SEPSECS: variants seen among roughly 807,000 people sequenced by gnomAD.
SEPSECS encodes the protein O-phosphoseryl-tRNA(Sec) selenium transferase.
SEPSECS carries 42 observed loss-of-function variants against 52.1 expected under a neutral mutation model. The ratio of observed to expected loss-of-function variants is 0.81; its 90% confidence interval spans 0.63 to 1.04. The LOEUF is 1.04. Ranked by LOEUF, SEPSECS falls within the 50% of genes least tolerant of loss-of-function variation. The pLI, the probability that SEPSECS is intolerant of heterozygous loss-of-function variation, is 0.00. For missense variants in SEPSECS, 590 were observed against 610.6 expected (o/e 0.97, Z 0.36); for synonymous variants, 216 against 211.4 (o/e 1.02, Z -0.19).
chr4:25,135,584 CA>C (rs1408728960), intron 8 of SEPSECS, among the ~76,000 whole-genome samples: 1 of 151,832 alleles, frequency 6.6e-6, no homozygotes, highest in African/African-American at 2.4e-5. Context: ...GCCTACCAAC[CA>C]AAAAAAGCCC....
At position 25,156,955 on chromosome 4, in the gene SEPSECS, G is replaced by C. The variant is rs1309003036; in HGVS notation, c.289C>G (p.Arg97Gly). 2 of 1,610,448 alleles carry C rather than the reference G, an allele frequency of 1.2e-6. No homozygotes were observed. The highest frequency in any genetic ancestry group is 1.7e-6 in the Non-Finnish European group (2 of 1,176,914). The change falls in exon 3 of 11, where the codon CGA (arginine) becomes GGA (glycine). Residue 97 changes from arginine (R) to glycine (G), a missense_variant. Physicochemically the swap from Arg to Gly is moderately radical, Grantham distance 125. Transcript: ENST00000382103. ...TGCACAGCAGAAATATCACCGGATC[G>C]TCCAATGCCATGAATGAACCTAAGC... Reference protein sequence around the residue: ...RHYRFIHGIGRSGDISAVQPK... With the variant: ...RHYRFIHGIGGSGDISAVQPK...
intron 9 of SEPSECS, among the ~76,000 whole-genome samples, chr4:25,126,785 T>C (rs1015481926): frequency 2.6e-5 from 4 of 152,158 alleles, no homozygotes; most frequent in Non-Finnish European, 5.9e-5. Flanking sequence ...ATTTCTGATA[T>C]GTTGGGGTTT....
chr4:25,138,213 C>T (rs1728921510), intron 8 of SEPSECS, among the ~76,000 whole-genome samples: 1 of 152,080 alleles, frequency 6.6e-6, no homozygotes, highest in South Asian at 2.1e-4. Flanking sequence ...TACCCCAGAA[C>T]CTAAAATAAT....
At position 25,124,235 on chromosome 4, in the gene SEPSECS, G is replaced by C. The variant is rs375688949; in HGVS notation, c.1212-10C>G. 3.0e-5 allele frequency: 48 copies of C among 1,612,092 alleles called. No homozygotes were observed. The African/African-American group carries it at 3.2e-4, about 11-fold the overall frequency. The stretch of plus-strand genomic sequence containing the variant: ...CCCAAGAGGCACAACCCTGAAAGAA[G>C]AAAGATTTACCAATTTAATATGTCT... On this transcript the variant is annotated splice_polypyrimidine_tract_variant and intron_variant, in intron 10 of 10. Coordinates refer to ENST00000382103, the MANE Select transcript of SEPSECS (RefSeq NM_016955.4).
At position 25,155,069 on chromosome 4, in the gene SEPSECS, CT is replaced by C; in HGVS notation, c.629del (p.Gln210ArgfsTer26). On this transcript the variant is annotated frameshift_variant, in exon 5 of 11. Coordinates refer to ENST00000382103, the MANE Select transcript of SEPSECS (RefSeq NM_016955.4). LOFTEE classifies it high-confidence loss of function. ...TDLKAVEAKV[Q>X]ELGPDCILCI... ...ACAGAATGCAATCAGGCCCAAGTTC[CT>C]GGACTTTAGCCTCCACTGCTTTCAG... The C allele has an allele frequency of 6.2e-7, 1 of 1,614,136 alleles. No homozygotes were observed. Among genetic ancestry groups the C allele is most frequent in the South Asian group, 1.1e-5 (1 of 91,086 alleles).
intron 8 of SEPSECS, among the ~76,000 whole-genome samples, chr4:25,137,263 T>A (rs1346741042): frequency 1.3e-5 from 2 of 152,092 alleles, no homozygotes; most frequent in East Asian, 3.8e-4. Flanking sequence ...GAAACTATCA[T>A]CAGAGTGAAC....
rs945536377 is a variant in SEPSECS at position 25,145,228 on chromosome 4, GTTAA to G, written c.805-99_805-96del. 2.8e-5 allele frequency: 36 copies of G among 1,286,458 alleles called. No individual in the cohort carries two copies. In the African/African-American group the frequency reaches 2.8e-4, roughly 10 times the overall value. The allele number at this position is 1,286,458 out of a possible 1,614,324, so 79.7% of individuals were successfully genotyped here. ...ACAACAAAAAATTATAACTATTTGA[GTTAA>G]TTAATATATTAGCCTGATTTAACCA... On this transcript the variant is annotated intron_variant, in intron 6 of 10. Transcript: ENST00000382103.
At chr4:25,153,676 T>TA (rs900216997) in intron 5 of SEPSECS, among the ~76,000 whole-genome samples, 8 of 151,570 alleles carry the variant, frequency 5.3e-5, no homozygotes, top group Admixed American at 2.6e-4. Flanking sequence ...GAAGCCAATG[T>TA]AAAAAAAACA....
At chr4:25,145,216 A>G in intron 6 of SEPSECS, 83 bp from the exon 7 acceptor site, 2 of 1,408,580 alleles carry the variant, frequency 1.4e-6, no homozygotes, top group East Asian at 2.3e-5. Context: ...ACAAAAAATT[A>G]TAACTATTTG....
At chr4:25,130,280 G>A (rs1470327479) in intron 8 of SEPSECS, among the ~76,000 whole-genome samples, 1 of 152,200 alleles carries the variant, frequency 6.6e-6, no homozygotes, top group African/African-American at 2.4e-5. Flanking sequence ...TTGTACTCAG[G>A]TTAGCTATTT....
At chr4:25,136,227 T>C (rs149153421) in intron 8 of SEPSECS, among the ~76,000 whole-genome samples, 1 of 151,980 alleles carries the variant, frequency 6.6e-6, no homozygotes, top group African/African-American at 2.4e-5. Flanking sequence ...GAGAAAGAAA[T>C]AAAGGGTATT....
intron 6 of SEPSECS, among the ~76,000 whole-genome samples, chr4:25,150,698 AAAG>A (rs1712245403): frequency 4.6e-5 from 7 of 152,202 alleles, no homozygotes; most frequent in Admixed American, 4.6e-4. Context: ...AAAAAAGCAA[AAAG>A]AAGGATAGAA....
At chr4:25,136,775 G>C (rs1728859775) in intron 8 of SEPSECS, among the ~76,000 whole-genome samples, 1 of 152,046 alleles carries the variant, frequency 6.6e-6, no homozygotes. Context: ...TAAGCAAAAA[G>C]AAAAAAGCTG....
intron 6 of SEPSECS, among the ~76,000 whole-genome samples, chr4:25,148,659 G>C (rs1182323604): frequency 6.6e-6 from 1 of 152,150 alleles, no homozygotes; most frequent in Non-Finnish European, 1.5e-5. Flanking sequence ...GCACAGTACA[G>C]TGACTATAGT....
At chr4:25,159,880 A>C (rs1204585135) in intron 1 of SEPSECS, 13 of 1,118,714 alleles carry the variant, frequency 1.2e-5, no homozygotes, top group African/African-American at 3.3e-5. Flanking sequence ...GTTAGCATAC[A>C]GTCTACAAAC....
In SEPSECS at chr4:25,121,844, C is replaced by G. The variant is rs1274529056; in HGVS notation, c.*2087G>C. 2 of 152,096 alleles carry G rather than the reference C, an allele frequency of 1.3e-5. No homozygotes were observed. Among genetic ancestry groups the G allele is most frequent in the African/African-American group, 4.8e-5 (2 of 41,418 alleles). 9.4% of individuals were successfully genotyped at this position (152,096 alleles called of 1,614,324 possible). A position where few individuals can be genotyped will look rare whatever the true frequency, so the allele number is the denominator to read the frequency against. Reference sequence around the variant, plus strand: ...TTATTATCTATTCAGCAGCTGAAGCCCAAGAACTGCTGATACACTGCAGAT... The same window carrying G: ...TTATTATCTATTCAGCAGCTGAAGCGCAAGAACTGCTGATACACTGCAGAT... On this transcript the variant is annotated 3_prime_UTR_variant, in exon 11 of 11. Coordinates refer to ENST00000382103, the MANE Select transcript of SEPSECS (RefSeq NM_016955.4).
Position 25,123,888 on chromosome 4 carries a change from C to T in SEPSECS, c.*43G>A. On this transcript the variant is annotated 3_prime_UTR_variant, in exon 11 of 11. Coordinates refer to ENST00000382103, the MANE Select transcript of SEPSECS (RefSeq NM_016955.4). The stretch of plus-strand genomic sequence containing the variant: ...TTAAACTGCTTGCTTGTACTACAGC[C>T]TTATCATTTCTTTCAAATGATCAAG... 1 of 1,513,712 alleles carries T rather than the reference C, an allele frequency of 6.6e-7. No homozygotes were observed. Among genetic ancestry groups the T allele is most frequent in the Non-Finnish European group, 9.2e-7 (1 of 1,089,658 alleles). The allele number at this position is 1,513,712 out of a possible 1,614,324, so 93.8% of individuals were successfully genotyped here.
chr4:25,129,326 T>C (rs1193437092), intron 8 of SEPSECS, among the ~76,000 whole-genome samples: 1 of 151,954 alleles, frequency 6.6e-6, no homozygotes, highest in Non-Finnish European at 1.5e-5. Context: ...TTCTTAGACA[T>C]ATAAAAATAT....
At chr4:25,124,897 G>A (rs1235575915) in intron 10 of SEPSECS, among the ~76,000 whole-genome samples, 1 of 151,780 alleles carries the variant, frequency 6.6e-6, no homozygotes, top group Admixed American at 6.6e-5. Flanking sequence ...TAATCGCTTA[G>A]CTTTTTGTTT....
Sources: allele counts gnomAD v4.1 joint callset (sites outside exome capture counted in the v4.1 genomes callset), GRCh38; gene constraint gnomAD v4.1.1; transcripts MANE v1.5; gene names NCBI Gene and HGNC (gene_info 2026-07-23, HGNC 2026-07-21).